Variants in TAFA5 observed in about 807,000 individuals in gnomAD.
TAFA5 encodes the protein chemokine-like protein TAFA-5.
TAFA5 carries 6 observed loss-of-function variants against 15.3 expected under a neutral mutation model. The observed-to-expected ratio is 0.39, with a 90% CI of 0.21 to 0.77. The LOEUF (loss-of-function observed/expected upper bound fraction) is 0.77. Ranked by LOEUF, TAFA5 falls within the 30% of genes least tolerant of loss-of-function variation. The probability of loss-of-function intolerance (pLI) is 0.41; values close to 1 mark genes in which losing one functional copy is unlikely to be tolerated. For synonymous variants in TAFA5, 103 were observed against 80.7 expected (o/e 1.28, Z -1.48); for missense variants, 161 against 193.1 (o/e 0.83, Z 0.98).
At chr22:48,660,391 G>A (rs1057510758) in intron 2 of TAFA5, among the ~76,000 whole-genome samples, 3 of 152,218 alleles carry the variant, frequency 2.0e-5, no homozygotes, top group Non-Finnish European at 4.4e-5. Context: ...TTTGTGGTGT[G>A]AACATTTTCT....
At chr22:48,519,005 A>C (rs1921514043) in intron 1 of TAFA5, among the ~76,000 whole-genome samples, 1 of 151,968 alleles carries the variant, frequency 6.6e-6, no homozygotes, top group African/African-American at 2.4e-5. Context: ...TCACGTCTGC[A>C]GTGCAGCAGG....
chr22:48,588,811 C>T lies in TAFA5; in HGVS notation c.113-57786C>T, dbSNP rs1263481725. The stretch of plus-strand genomic sequence containing the variant: ...CTCAGGAATCTGTGGGAAGACCCGT[C>T]CCCGAGACCATTCCAACTGGACCGC... On this transcript the variant is annotated intron_variant, in intron 1 of 3. Coordinates refer to ENST00000402357, the MANE Select transcript of TAFA5 (RefSeq NM_001082967.3). 3.3e-5 allele frequency among the ~76,000 whole-genome samples: 5 copies of T among 152,268 alleles called. No homozygotes were observed. In the East Asian group the frequency reaches 9.7e-4, roughly 29 times the overall value.
At chr22:48,685,019 C>A (rs1928311341) in intron 2 of TAFA5, among the ~76,000 whole-genome samples, 1 of 152,190 alleles carries the variant, frequency 6.6e-6, no homozygotes, top group Non-Finnish European at 1.5e-5. Context: ...TGGTTTTATA[C>A]ATTTTAGGGA....
chr22:48,685,848 T>C (rs1221809716), intron 2 of TAFA5, among the ~76,000 whole-genome samples: 4 of 152,148 alleles, frequency 2.6e-5, no homozygotes, highest in Non-Finnish European at 5.9e-5. Flanking sequence ...CATCCTTCCT[T>C]GTGGTTCCAG....
At chr22:48,629,861 A>C (rs1926152453) in intron 1 of TAFA5, among the ~76,000 whole-genome samples, 2 of 151,794 alleles carry the variant, frequency 1.3e-5, no homozygotes, top group South Asian at 2.1e-4. Context: ...GGCAGATGCC[A>C]CCCGGCAACG....
intron 1 of TAFA5, among the ~76,000 whole-genome samples, chr22:48,630,175 G>A (rs1926165575): frequency 6.7e-6 from 1 of 148,990 alleles, no homozygotes; most frequent in Middle Eastern, 3.2e-3. Context: ...AGCAGGTGGA[G>A]TGGGAGGCTG....
chr22:48,724,669 G>A (rs904851885), intron 3 of TAFA5, among the ~76,000 whole-genome samples: 2 of 152,258 alleles, frequency 1.3e-5, no homozygotes, highest in African/African-American at 2.4e-5. Flanking sequence ...AGGAGTGGAA[G>A]CCCGTGCCTT....
chr22:48,712,966 A>G (rs1176028191), intron 3 of TAFA5, among the ~76,000 whole-genome samples: 1 of 152,194 alleles, frequency 6.6e-6, no homozygotes, highest in African/African-American at 2.4e-5. Flanking sequence ...CAAACCACAC[A>G]TGCAACTGGC....
At chr22:48,514,872 G>A (rs1453201808) in intron 1 of TAFA5, among the ~76,000 whole-genome samples, 3 of 152,240 alleles carry the variant, frequency 2.0e-5, no homozygotes, top group South Asian at 2.1e-4. Context: ...GGTGGGTGGC[G>A]TTTCCACAAA....
intron 2 of TAFA5, among the ~76,000 whole-genome samples, chr22:48,679,098 T>C (rs775815705): frequency 0.072 from 176 of 2,446 alleles, 43 homozygotes; most frequent in Non-Finnish European, 0.26. Flanking sequence ...CCCGGCTCCC[T>C]GTCCATCCCT....
chr22:48,617,315 G>T (rs1045655270), intron 1 of TAFA5, among the ~76,000 whole-genome samples: 3 of 151,246 alleles, frequency 2.0e-5, no homozygotes, highest in African/African-American at 7.3e-5. Flanking sequence ...GCGGCCTCTG[G>T]AATCTGGAAA....
intron 2 of TAFA5, among the ~76,000 whole-genome samples, chr22:48,656,886 CT>C (rs1927272369): frequency 6.6e-6 from 1 of 151,570 alleles, no homozygotes; most frequent in Non-Finnish European, 1.5e-5. Flanking sequence ...TTGCCTCAGC[CT>C]CCCAAATAGC....
At chr22:48,704,452 C>T (rs1041990121) in intron 2 of TAFA5, among the ~76,000 whole-genome samples, 5 of 152,116 alleles carry the variant, frequency 3.3e-5, no homozygotes, top group African/African-American at 1.2e-4. Flanking sequence ...AAAAGGGGCC[C>T]CGGGAAGACG....
At chr22:48,545,426 C>T (rs370256273) in intron 1 of TAFA5, 2 of 184,012 alleles carry the variant, frequency 1.1e-5, no homozygotes, top group East Asian at 2.5e-4. Flanking sequence ...TGTCTTGTAT[C>T]TCCTAATGCC....
intron 1 of TAFA5, among the ~76,000 whole-genome samples, chr22:48,536,834 G>C (rs1922182923): frequency 6.6e-6 from 1 of 152,220 alleles, no homozygotes; most frequent in East Asian, 1.9e-4. Context: ...CTTCACATCT[G>C]TGTGTGGAGG....
At chr22:48,656,106 A>T (rs5771686) in intron 2 of TAFA5, among the ~76,000 whole-genome samples, 98,376 of 151,174 alleles carry the variant, frequency 0.65, 32,711 homozygotes, top group South Asian at 0.77. Context: ...TCTCCCAAAG[A>T]GCTGCAATTA....
chr22:48,623,357 C>T (rs373734840), intron 1 of TAFA5, among the ~76,000 whole-genome samples: 25 of 108,882 alleles, frequency 2.3e-4, no homozygotes, highest in South Asian at 4.4e-4. Flanking sequence ...TGGGACGGGA[C>T]GTGTCGCGTG....
intron 2 of TAFA5, among the ~76,000 whole-genome samples, chr22:48,688,794 CA>C (rs1320220515): frequency 6.6e-6 from 1 of 152,130 alleles, no homozygotes; most frequent in Non-Finnish European, 1.5e-5. Context: ...AGTTCGAGAT[CA>C]GCCTGACCAA....
intron 1 of TAFA5, among the ~76,000 whole-genome samples, chr22:48,559,789 A>G (rs1923162666): frequency 6.6e-6 from 1 of 152,054 alleles, no homozygotes; most frequent in Non-Finnish European, 1.5e-5. Flanking sequence ...AGAGGGGACA[A>G]ACCCAGAGGC....
Sources: gnomAD v4.1 joint callset for allele counts (sites outside exome capture counted in the v4.1 genomes callset) on GRCh38, gnomAD v4.1.1 for gene constraint, MANE v1.5 for transcripts, NCBI Gene and HGNC (gene_info 2026-07-23, HGNC 2026-07-21) for gene names.